The following TARS1 variants were observed in gnomAD, a reference collection of about 807,000 sequenced individuals.
TARS1 encodes threonine--tRNA ligase 1, cytoplasmic.
In TARS1, 57 loss-of-function variants were observed where a neutral mutation model predicts 97.7. The ratio of observed to expected loss-of-function variants is 0.58; its 90% CI spans 0.47 to 0.73. The LOEUF (loss-of-function observed/expected upper bound fraction) is 0.73. Ranked by LOEUF, TARS1 falls within the 30% of genes least tolerant of loss-of-function variation. The pLI is 0.00. For missense variants in TARS1, 806 were observed against 888.3 expected (o/e 0.91, Z 1.18); for synonymous variants, 312 against 293.7 (o/e 1.06, Z -0.64).
chr5:33,452,489 C>A, intron 3 of TARS1: 1 of 1,387,054 alleles, frequency 7.2e-7, no homozygotes, highest in Non-Finnish European at 9.9e-7. Context: ...ACCTGTACTG[C>A]TTTCCCTCCT....
At chr5:33,442,896 C>G (rs1741184860) in intron 1 of TARS1, among the ~76,000 whole-genome samples, 2 of 152,138 alleles carry the variant, frequency 1.3e-5, no homozygotes, top group Non-Finnish European at 2.9e-5. Context: ...GTAACTTGCT[C>G]AAACCCAGTA....
rs35079782 is a variant in TARS1, at chr5:33,467,168, G to GT, written c.2023+196dup. 6.7e-3 allele frequency among the ~76,000 whole-genome samples: 960 copies of GT among 144,270 alleles called. 5 individuals carry two copies. Among genetic ancestry groups the GT allele is most frequent in the African/African-American group, 0.017 (686 of 39,742 alleles). 94.6% of individuals were successfully genotyped at this position (144,270 alleles called of 152,430 possible). On this transcript the variant is annotated intron_variant, in intron 18 of 18. Transcript: ENST00000265112. ...AAATAGGCTCATGCATACATACTGG[G>GT]TTTTTTTTTTTTTCACTTAAATCAT... is the stretch of plus-strand genomic sequence containing the variant.
intron 3 of TARS1, among the ~76,000 whole-genome samples, chr5:33,451,448 C>T (rs534475945): frequency 3.2e-4 from 48 of 150,662 alleles, no homozygotes; most frequent in Non-Finnish European, 6.8e-4. Context: ...CATCTTGGCT[C>T]ACTGCAAGCT....
chr5:33,453,228 C>T, intron 3 of TARS1, 61 bp from the exon 4 acceptor site: 2 of 1,399,302 alleles, frequency 1.4e-6, no homozygotes, highest in Non-Finnish European at 1.9e-6. Flanking sequence ...TTCCTGTTTT[C>T]AAATTAGATT....
intron 2 of TARS1, among the ~76,000 whole-genome samples, chr5:33,445,815 G>T (rs1741383509): frequency 6.6e-6 from 1 of 152,078 alleles, no homozygotes; most frequent in Admixed American, 6.5e-5. Flanking sequence ...CCAGTTTTTT[G>T]ACCCCCTCCT....
Position 33,466,871 on chromosome 5 carries a change from G to C in TARS1, c.1909G>C (p.Val637Leu). 6.3e-7 allele frequency: 1 copy of C among 1,591,218 alleles called. No individual in the cohort carries two copies. The highest frequency in any genetic ancestry group is 1.7e-4 in the Middle Eastern group (1 of 5,978). ...GPTCDEYAQKVRQQFHDAKFM... is the reference protein window; with the variant it reads ...GPTCDEYAQKLRQQFHDAKFM... ...AAATTCTGTATCTCTGTTACAATAG[G>C]TACGACAACAATTCCACGATGCCAA... The change falls in exon 18 of 19, where the codon GTA becomes CTA. Residue 637 changes from valine (V) to leucine (L), a missense_variant and splice_region_variant. Physicochemically the swap from Val to Leu is conservative, Grantham distance 32. Coordinates refer to ENST00000265112, the MANE Select transcript of TARS1 (RefSeq NM_152295.5).
At chr5:33,452,339 A>T (rs1229153403) in intron 3 of TARS1, 3 of 1,534,984 alleles carry the variant, frequency 2.0e-6, no homozygotes, top group Non-Finnish European at 1.7e-6. Context: ...ACTCTGCTCT[A>T]GTCACACAGC....
chr5:33,463,925 A>G, intron 17 of TARS1, 100 bp downstream of exon 17: 2 of 1,017,586 alleles, frequency 2.0e-6, no homozygotes, highest in Non-Finnish European at 3.0e-6. Context: ...CTGTTGTGAT[A>G]AAGAGAAATG....
Position 33,457,267 on chromosome 5 carries a change from C to T in TARS1, c.848C>T (p.Thr283Met), listed in dbSNP as rs747309785. Reference protein sequence around the residue: ...KALKIHKNSSTYWEGKADMET... With the variant: ...KALKIHKNSSMYWEGKADMET... ...AATCCTTGTTTTCAGAATTCCTCCACGTACTGGGAAGGCAAAGCAGATATG... is the reference window on the plus strand; with the variant it reads ...AATCCTTGTTTTCAGAATTCCTCCATGTACTGGGAAGGCAAAGCAGATATG... The change falls in exon 9 of 19, where the codon ACG becomes ATG. Residue 283 changes from threonine (T) to methionine (M), a missense_variant. Transcript: ENST00000265112. The T allele has an allele frequency of 8.7e-6, 14 of 1,612,858 alleles. No individual in the cohort carries two copies. The East Asian group carries it at 1.1e-4, about 13-fold the overall frequency.
At chr5:33,442,320 CTT>C (rs763508345) in intron 1 of TARS1, among the ~76,000 whole-genome samples, 13,859 of 104,000 alleles carry the variant, frequency 0.13, 335 homozygotes, top group South Asian at 0.23. Context: ...TGTTTTGTAA[CTT>C]TTTTTTTTTT....
At chr5:33,462,044 A>G in intron 15 of TARS1, 38 bp downstream of exon 15, 1 of 1,603,636 alleles carries the variant, frequency 6.2e-7, no homozygotes, top group African/African-American at 1.3e-5. Context: ...TTCTCCAGGG[A>G]TATATAAGAG....
chr5:33,458,479 T>G (rs1742135446), intron 9 of TARS1, 87 bp from the exon 10 acceptor site: 3 of 1,108,782 alleles, frequency 2.7e-6, no homozygotes, highest in South Asian at 3.0e-5. Context: ...GACCATATTC[T>G]GAGCTCAAGA....
chr5:33,448,757 T>C, intron 3 of TARS1, 26 bp downstream of exon 3: 1 of 1,521,072 alleles, frequency 6.6e-7, no homozygotes. Flanking sequence ...ATCATGACCT[T>C]CCATAGTTTG....
intron 3 of TARS1, chr5:33,452,514 C>A: frequency 9.3e-7 from 1 of 1,076,104 alleles, no homozygotes; most frequent in Non-Finnish European, 1.4e-6. Context: ...ACTCCTGTAG[C>A]TTTTACACTC....
chr5:33,457,391 G>A lies in TARS1; in HGVS notation c.972G>A (p.Arg324=). 6.2e-7 allele frequency: 1 copy of A among 1,613,982 alleles called. No individual in the cohort carries two copies. The highest frequency in any genetic ancestry group is 8.5e-7 in the Non-Finnish European group (1 of 1,179,962). Residue 324 remains arginine, a synonymous_variant, in exon 9 of 19, where the codon AGG becomes AGA. Coordinates refer to ENST00000265112, the MANE Select transcript of TARS1 (RefSeq NM_152295.5). ...FQEEAKNRDH[R]KIGRDQELYF... Reference sequence around the variant, plus strand: ...AGGAAGCTAAAAACCGAGATCATAGGAAAATTGGCAGGGTATGTTCAAGAA... The same window carrying A: ...AGGAAGCTAAAAACCGAGATCATAGAAAAATTGGCAGGGTATGTTCAAGAA...
At position 33,453,251 on chromosome 5, in the gene TARS1, T is replaced by C. The variant is rs373876089; in HGVS notation, c.330-38T>C. ...TTCAAATTAGATTCGTGTGTACTTA[T>C]ATATGTGTGGACTTTTTTTTTTTTT... On this transcript the variant is annotated intron_variant, in intron 3 of 18. Transcript: ENST00000265112. 43 of 1,547,238 alleles carry C rather than the reference T, an allele frequency of 2.8e-5. No individual in the cohort carries two copies. In the African/African-American group the frequency reaches 2.8e-4, roughly 10 times the overall value.
At chr5:33,461,316 T>C in intron 13 of TARS1, 21 bp downstream of exon 13, 2 of 1,605,512 alleles carry the variant, frequency 1.2e-6, no homozygotes, top group South Asian at 2.2e-5. Context: ...TTTTTCAGCG[T>C]GCTTTTGAAT....
At chr5:33,455,961 A>T (rs766620600) in intron 6 of TARS1, 41 bp from the exon 7 acceptor site, 2 of 1,571,834 alleles carry the variant, frequency 1.3e-6, no homozygotes, top group South Asian at 2.2e-5. Context: ...AGTAAAAATT[A>T]AAGGACAGTT....
chr5:33,443,341 C>CTCTCTCTCTCTCTCTCTCTCTT (rs1561066258), intron 1 of TARS1, among the ~76,000 whole-genome samples: 17 of 150,430 alleles, frequency 1.1e-4, no homozygotes, highest in African/African-American at 4.0e-4. Context: ...CTCTCTCTCT[C>CTCTCTCTCTCTCTCTCTCTCTT]TCTCTCTCTC....
Sources: gnomAD v4.1 joint callset for allele counts (sites outside exome capture counted in the v4.1 genomes callset) on GRCh38, gnomAD v4.1.1 for gene constraint, MANE v1.5 for transcripts, NCBI Gene and HGNC (gene_info 2026-07-23, HGNC 2026-07-21) for gene names.